The following RPA3 variants were observed in gnomAD, a reference collection of about 807,000 sequenced individuals.
RPA3 encodes replication protein A 14 kDa subunit.
In RPA3, 24 loss-of-function variants were observed where a neutral mutation model predicts 13.7. The ratio of observed to expected loss-of-function variants is 1.75; its 90% CI spans 1.27 to 2.46. RPA3 has a LOEUF of 2.46. RPA3 is among the 30% of genes most tolerant of loss of function. The pLI is 0.00. For synonymous variants in RPA3, 59 were observed against 51.2 expected (o/e 1.15, Z -0.65); for missense variants, 183 against 151.0 (o/e 1.21, Z -1.11).
chr7:7,652,650 A>G (rs1785250091), intron 4 of RPA3, among the ~76,000 whole-genome samples: 1 of 152,190 alleles, frequency 6.6e-6, no homozygotes, highest in South Asian at 2.1e-4. Flanking sequence ...AATTTGGAGA[A>G]AGTGACTTGT....
At chr7:7,713,039 A>T (rs1385029597) in intron 2 of RPA3, among the ~76,000 whole-genome samples, 3 of 152,114 alleles carry the variant, frequency 2.0e-5, no homozygotes, top group Non-Finnish European at 4.4e-5. Flanking sequence ...GTGATTGCTC[A>T]TTCAAAAAAT....
intron 4 of RPA3, chr7:7,673,420 CCAGAGA>C (rs1779661432): frequency 9.8e-7 from 1 of 1,021,064 alleles, no homozygotes; most frequent in East Asian, 2.6e-5. Flanking sequence ...GCCCTCAGTA[CCAGAGA>C]CAGAAGCAGA....
intron 4 of RPA3, among the ~76,000 whole-genome samples, chr7:7,667,101 G>A (rs932688919): frequency 1.6e-4 from 25 of 152,304 alleles, no homozygotes; most frequent in African/African-American, 5.5e-4. Flanking sequence ...CAGCCACTGC[G>A]CCCGGCTGAC....
chr7:7,637,074 G>A lies in RPA3; in HGVS notation c.292C>T (p.Leu98Phe), dbSNP rs751278361. 3 of 1,607,734 alleles carry A rather than the reference G, an allele frequency of 1.9e-6. No homozygotes were observed. The highest frequency in any genetic ancestry group is 2.6e-6 in the Non-Finnish European group (3 of 1,174,506). Reference sequence around the variant, plus strand: ...ATAATTTTCACAGCTTCATTGTAAAGTCCAAGATCTGAAAGAAACATTTAA... The same window carrying A: ...ATAATTTTCACAGCTTCATTGTAAAATCCAAGATCTGAAAGAAACATTTAA... ...KEDSHPFDLG[L>F]YNEAVKIIHD... is the part of the protein sequence containing the mutation. The change falls in exon 8 of 8, where the codon CTT (leucine) becomes TTT (phenylalanine). Residue 98 changes from leucine to phenylalanine, a missense_variant. Coordinates refer to ENST00000223129, the MANE Select transcript of RPA3 (RefSeq NM_002947.5).
At chr7:7,709,301 T>A (rs1334532397) in intron 2 of RPA3, among the ~76,000 whole-genome samples, 1 of 152,236 alleles carries the variant, frequency 6.6e-6, no homozygotes, top group Non-Finnish European at 1.5e-5. Context: ...TTTGTAAATA[T>A]GAACATTAGA....
At chr7:7,681,309 T>G (rs957003696) in intron 4 of RPA3, among the ~76,000 whole-genome samples, 3 of 152,154 alleles carry the variant, frequency 2.0e-5, no homozygotes, top group Non-Finnish European at 4.4e-5. Context: ...GTCACAATTA[T>G]TAGATGGCAT....
chr7:7,662,531 C>G (rs117494699), intron 4 of RPA3, among the ~76,000 whole-genome samples: 4,658 of 152,258 alleles, frequency 0.031, 121 homozygotes, highest in South Asian at 0.11. Flanking sequence ...CTGTTCCTCA[C>G]CGCACAGTCC....
rs112606367 is a variant in RPA3 at position 7,706,800 on chromosome 7, G to A, written c.-1028+8375C>T. 2.0e-5 allele frequency among the ~76,000 whole-genome samples: 3 copies of A among 152,212 alleles called. 1 individual carries two copies. The highest frequency in any genetic ancestry group is 4.8e-5 in the African/African-American group (2 of 41,538). ...TTGTCTGAGTCTGTGCTCTTAATCC[G>A]TATGTTCTACATCCTATCTGTTGGT... On this transcript the variant is annotated intron_variant, in intron 2 of 7. Coordinates refer to ENST00000223129, the MANE Select transcript of RPA3 (RefSeq NM_002947.5).
intron 4 of RPA3, among the ~76,000 whole-genome samples, chr7:7,683,541 T>A (rs1052156173): frequency 6.6e-6 from 1 of 152,100 alleles, no homozygotes; most frequent in African/African-American, 2.4e-5. Flanking sequence ...GTAATTACAT[T>A]TCCTTCAATA....
intron 4 of RPA3, among the ~76,000 whole-genome samples, chr7:7,646,670 G>C (rs752496407): frequency 1.3e-5 from 2 of 151,906 alleles, no homozygotes; most frequent in Non-Finnish European, 2.9e-5. Flanking sequence ...AACTAATACA[G>C]ATGGGGAGCT....
intron 2 of RPA3, among the ~76,000 whole-genome samples, chr7:7,706,148 T>C (rs1780593637): frequency 6.6e-6 from 1 of 152,164 alleles, no homozygotes; most frequent in Non-Finnish European, 1.5e-5. Flanking sequence ...TAGTGTTGTG[T>C]ATGTTGACTG....
chr7:7,679,921 T>C (rs567645413), intron 4 of RPA3, among the ~76,000 whole-genome samples: 3 of 151,994 alleles, frequency 2.0e-5, no homozygotes, highest in Non-Finnish European at 2.9e-5. Context: ...TTGAGTTCCT[T>C]ATATATACTG....
At chr7:7,664,270 A>T (rs1026427009) in intron 4 of RPA3, among the ~76,000 whole-genome samples, 1 of 151,892 alleles carries the variant, frequency 6.6e-6, no homozygotes, top group African/African-American at 2.4e-5. Flanking sequence ...TTCTTTTCTC[A>T]TTCAAACTTC....
intron 4 of RPA3, chr7:7,673,223 T>C (rs1779650300): frequency 2.4e-6 from 2 of 838,640 alleles, no homozygotes; most frequent in African/African-American, 1.7e-5. Context: ...ACTATTGTTA[T>C]ATCGTTATGC....
chr7:7,681,727 A>G (rs962978279), intron 4 of RPA3, among the ~76,000 whole-genome samples: 10 of 152,294 alleles, frequency 6.6e-5, no homozygotes, highest in South Asian at 6.2e-4. Context: ...TCCAGCAAGC[A>G]TGGCACTATT....
At chr7:7,696,465 C>T (rs1405721788) in intron 2 of RPA3, among the ~76,000 whole-genome samples, 1 of 152,166 alleles carries the variant, frequency 6.6e-6, no homozygotes, top group African/African-American at 2.4e-5. Context: ...GAACTGGCCA[C>T]AAGACCTGAT....
At position 7,673,232 on chromosome 7, in the gene RPA3, G is replaced by A. The variant is rs1779650633; in HGVS notation, c.-758+12598C>T. ...AGAGTAACTATTGTTATATCGTTAT[G>A]CTGAACTTTTTGCTAAAAAGGGTAA... is the stretch of plus-strand genomic sequence containing the variant. On this transcript the variant is annotated intron_variant, in intron 4 of 7. Coordinates refer to ENST00000223129, the MANE Select transcript of RPA3 (RefSeq NM_002947.5). 1.0e-5 allele frequency: 9 copies of A among 882,148 alleles called. No homozygotes were observed. In the Middle Eastern group the frequency reaches 6.5e-4, roughly 63 times the overall value. The allele number at this position is 882,148 out of a possible 1,614,324, so 54.6% of individuals were successfully genotyped here.
intron 4 of RPA3, among the ~76,000 whole-genome samples, chr7:7,653,404 C>T (rs1352344808): frequency 1.3e-5 from 2 of 152,092 alleles, no homozygotes; most frequent in Non-Finnish European, 2.9e-5. Flanking sequence ...TATAAGCTCT[C>T]AAAAAGGCAG....
chr7:7,651,914 C>A (rs1375885545), intron 4 of RPA3, among the ~76,000 whole-genome samples: 2 of 152,124 alleles, frequency 1.3e-5, no homozygotes, highest in African/African-American at 4.8e-5. Context: ...ACAGAGTCCT[C>A]CTTGGGCAGT....
Sources: allele counts gnomAD v4.1 joint callset (sites outside exome capture counted in the v4.1 genomes callset), GRCh38; gene constraint gnomAD v4.1.1; transcripts MANE v1.5; gene names NCBI Gene and HGNC (gene_info 2026-07-23, HGNC 2026-07-21).